The following SPTLC1 variants were observed in gnomAD, a reference collection of about 807,000 sequenced individuals.
The protein encoded by SPTLC1 is serine palmitoyltransferase 1.
In SPTLC1, 55 loss-of-function variants were observed where a neutral mutation model predicts 68.9. That is an observed-to-expected ratio of 0.80 (90% CI 0.64 to 1.00). The LOEUF (loss-of-function observed/expected upper bound fraction) is 1.00, where lower values mean the gene tolerates loss of function less well. Ranked by LOEUF, SPTLC1 falls within the 50% of genes least tolerant of loss-of-function variation. The pLI, the probability that SPTLC1 is intolerant of heterozygous loss-of-function variation, is 0.00. For synonymous variants in SPTLC1, 197 were observed against 201.6 expected, an observed-to-expected ratio of 0.98 and a Z score of 0.19; for missense variants, 449 against 573.1, an observed-to-expected ratio of 0.78 and a Z score of 2.21.
chr9:92,076,180 C>G (rs983901849), intron 5 of SPTLC1, among the ~76,000 whole-genome samples: 3 of 152,202 alleles, frequency 2.0e-5, no homozygotes, highest in Admixed American at 6.5e-5. Flanking sequence ...CCACCGCCAC[C>G]CTGTCAACTG....
chr9:92,049,483 ACACACACACACATG>A (rs896041298), intron 9 of SPTLC1, among the ~76,000 whole-genome samples: 5 of 150,716 alleles, frequency 3.3e-5, no homozygotes, highest in African/African-American at 1.2e-4. Context: ...GGTGTTTCTG[ACACACACACACATG>A]CACACACACA....
intron 6 of SPTLC1, among the ~76,000 whole-genome samples, chr9:92,063,221 A>G (rs1834163305): frequency 6.6e-6 from 1 of 152,196 alleles, no homozygotes; most frequent in Non-Finnish European, 1.5e-5. Flanking sequence ...TCAGAATAAT[A>G]CGGGAATACC....
At chr9:92,051,397 G>GA (rs1833700463) in intron 8 of SPTLC1, 23 of 416,124 alleles carry the variant, frequency 5.5e-5, no homozygotes, top group South Asian at 1.0e-4. Context: ...AATAAATGCA[G>GA]AAAAAAAATT....
chr9:92,061,204 C>A (rs1256019089), intron 6 of SPTLC1, among the ~76,000 whole-genome samples: 1 of 152,154 alleles, frequency 6.6e-6, no homozygotes, highest in African/African-American at 2.4e-5. Flanking sequence ...CAAGGCACAT[C>A]ATAGATGACT....
At chr9:92,075,135 T>G (rs1834635839) in intron 5 of SPTLC1, among the ~76,000 whole-genome samples, 1 of 152,146 alleles carries the variant, frequency 6.6e-6, no homozygotes, top group African/African-American at 2.4e-5. Context: ...ATCCTGCTTC[T>G]TCAACACCTC....
chr9:92,078,527 C>G (rs1249581973), intron 5 of SPTLC1, among the ~76,000 whole-genome samples: 1 of 152,222 alleles, frequency 6.6e-6, no homozygotes, highest in South Asian at 2.1e-4. Flanking sequence ...GGTGTGAACA[C>G]GGCTCATTAC....
intron 3 of SPTLC1, among the ~76,000 whole-genome samples, chr9:92,095,383 C>A (rs1835494187): frequency 6.6e-6 from 1 of 152,076 alleles, no homozygotes; most frequent in South Asian, 2.1e-4. Flanking sequence ...CAGAGAAATT[C>A]AAGGGAATAT....
intron 3 of SPTLC1, among the ~76,000 whole-genome samples, chr9:92,103,043 C>G (rs1428006216): frequency 6.6e-6 from 1 of 152,232 alleles, no homozygotes; most frequent in Non-Finnish European, 1.5e-5. Flanking sequence ...ATATATTGAT[C>G]TACTATGAAC....
chr9:92,104,192 C>T (rs139925494), intron 3 of SPTLC1, among the ~76,000 whole-genome samples: 2,466 of 152,278 alleles, frequency 0.016, 39 homozygotes, highest in African/African-American at 0.042. Context: ...GTGCACAACT[C>T]GCTCAAAATG....
intron 8 of SPTLC1, among the ~76,000 whole-genome samples, chr9:92,052,276 A>G (rs922952159): frequency 6.6e-6 from 1 of 152,234 alleles, no homozygotes; most frequent in African/African-American, 2.4e-5. Flanking sequence ...GTCTAGAAAT[A>G]AACCCATACA....
At chr9:92,107,625 G>A (rs1421175782) in intron 3 of SPTLC1, among the ~76,000 whole-genome samples, 4 of 152,194 alleles carry the variant, frequency 2.6e-5, no homozygotes, top group Admixed American at 6.5e-5. Flanking sequence ...GGCAGCATGC[G>A]CCTGTAGTCC....
At chr9:92,087,460 C>G (rs1835188686) in intron 3 of SPTLC1, among the ~76,000 whole-genome samples, 1 of 152,214 alleles carries the variant, frequency 6.6e-6, no homozygotes, top group South Asian at 2.1e-4. Flanking sequence ...TTCCTTCTAA[C>G]AGACAGGACC....
At chr9:92,068,306 T>G (rs1341837280) in intron 5 of SPTLC1, among the ~76,000 whole-genome samples, 1 of 152,244 alleles carries the variant, frequency 6.6e-6, no homozygotes, top group Non-Finnish European at 1.5e-5. Flanking sequence ...CTAAATCAGC[T>G]ACGCATCTAT....
chr9:92,065,751 A>C (rs1323542134), intron 6 of SPTLC1, among the ~76,000 whole-genome samples: 1 of 152,162 alleles, frequency 6.6e-6, no homozygotes, highest in African/African-American at 2.4e-5. Flanking sequence ...TTTTTAAACT[A>C]TTTGCCAAAA....
At chr9:92,108,507 G>A (rs1326734958) in intron 3 of SPTLC1, 2 of 492,482 alleles carry the variant, frequency 4.1e-6, no homozygotes, top group Non-Finnish European at 7.5e-6. Flanking sequence ...ATTAACATGT[G>A]TGCATTCTTG....
chr9:92,115,206 C>A (rs928425052), intron 1 of SPTLC1, 108 bp downstream of exon 1: 28 of 1,100,886 alleles, frequency 2.5e-5, no homozygotes, highest in Non-Finnish European at 3.9e-5. Flanking sequence ...CGAGTCTGGG[C>A]GTGACCGAGC....
At chr9:92,112,423 C>T (rs1392611688) in intron 2 of SPTLC1, 32 bp downstream of exon 2, 9 of 1,430,478 alleles carry the variant, frequency 6.3e-6, no homozygotes, top group Non-Finnish European at 8.9e-6. Context: ...AATCACATAC[C>T]CAATAATTAA....
intron 8 of SPTLC1, among the ~76,000 whole-genome samples, chr9:92,054,780 G>A (rs1265662949): frequency 1.3e-5 from 2 of 152,138 alleles, no homozygotes; most frequent in African/African-American, 4.8e-5. Flanking sequence ...GGGGGTGTCT[G>A]CGCACGCCTA....
chr9:92,106,232 C>T (rs922309973), intron 3 of SPTLC1, among the ~76,000 whole-genome samples: 2 of 151,960 alleles, frequency 1.3e-5, no homozygotes, highest in East Asian at 1.9e-4. Flanking sequence ...TCTGCATTTT[C>T]GACATTAAAG....
Sources: gnomAD v4.1 joint callset for allele counts (sites outside exome capture counted in the v4.1 genomes callset) on GRCh38, gnomAD v4.1.1 for gene constraint, MANE v1.5 for transcripts, NCBI Gene and HGNC (gene_info 2026-07-23, HGNC 2026-07-21) for gene names.